SLC51A: variants seen among roughly 807,000 people sequenced by gnomAD.
The protein encoded by SLC51A is organic solute transporter subunit alpha.
Under a neutral mutation model 34.8 loss-of-function variants are expected in SLC51A, and 22 were observed. The observed-to-expected ratio is 0.63, with a 90% CI of 0.45 to 0.90. The LOEUF (loss-of-function observed/expected upper bound fraction) is 0.90, where lower values mean the gene tolerates loss of function less well. Ranked by LOEUF, SLC51A falls within the 40% of genes least tolerant of loss-of-function variation. SLC51A has a pLI of 0.00. For missense variants in SLC51A, 371 were observed against 414.8 expected, an observed-to-expected ratio of 0.89 and a Z score of 0.92; for synonymous variants, 181 against 176.3, an observed-to-expected ratio of 1.03 and a Z score of -0.21.
chr3:196,221,467 C>G (rs1237564210), intron 2 of SLC51A, among the ~76,000 whole-genome samples: 1 of 151,546 alleles, frequency 6.6e-6, no homozygotes, highest in Non-Finnish European at 1.5e-5. Flanking sequence ...AGTCTGACTT[C>G]GTTGCCCAGG....
At position 196,228,268 on chromosome 3, in the gene SLC51A, C is replaced by T; in HGVS notation, c.516C>T (p.Leu172=). The change falls in exon 5 of 9, where the codon CTC becomes CTT. Residue 172 remains leucine (L), a synonymous_variant. Coordinates refer to ENST00000296327, the MANE Select transcript of SLC51A (RefSeq NM_152672.6). This position sits in a 1 kb window ranked among gnomAD's most constrained non-coding sequence, Gnocchi z 4.9. ...CCCPCCPRLL[L]TRKKLQLLML... ...GCCCCTGCTGTCCACGGCTGCTGCT[C>T]ACCAGGTGAGGCGGGGCCAAGGTGC... 1.2e-6 allele frequency: 2 copies of T among 1,610,840 alleles called. No homozygotes were observed. The highest frequency in any genetic ancestry group is 1.7e-6 in the Non-Finnish European group (2 of 1,179,344).
At chr3:196,226,828 C>A in intron 2 of SLC51A, 137 bp from the exon 3 acceptor site, 2 of 580,954 alleles carry the variant, frequency 3.4e-6, no homozygotes, top group Non-Finnish European at 2.9e-6. Context: ...AGGTTGAATA[C>A]TCTAGGTCTA....
At chr3:196,230,597 G>A (rs574645621) in intron 7 of SLC51A, among the ~76,000 whole-genome samples, 12 of 148,552 alleles carry the variant, frequency 8.1e-5, no homozygotes, top group East Asian at 3.9e-4. Context: ...CAATTCTCTT[G>A]CCTCAGCCTC....
chr3:196,227,413 T>G (rs1239776161), intron 3 of SLC51A: 1 of 592,254 alleles, frequency 1.7e-6, no homozygotes, highest in Non-Finnish European at 3.0e-6. Flanking sequence ...CTTCAGTGGT[T>G]CCTCAGAGTG....
intron 7 of SLC51A, among the ~76,000 whole-genome samples, chr3:196,231,554 A>C (rs1274640482): frequency 6.6e-6 from 1 of 152,196 alleles, no homozygotes; most frequent in Non-Finnish European, 1.5e-5. Context: ...AGGAGGTAGA[A>C]TGAAAGGGGC....
chr3:196,225,658 T>C (rs991425837), intron 2 of SLC51A: 1 of 152,254 alleles, frequency 6.6e-6, no homozygotes, highest in Admixed American at 6.5e-5. Context: ...TCTTTAAAAC[T>C]AACGGCTGCA....
intron 3 of SLC51A, 65 bp from the exon 4 acceptor site, chr3:196,227,599 C>A (rs1479116008): frequency 3.4e-6 from 5 of 1,480,100 alleles, no homozygotes; most frequent in Non-Finnish European, 4.7e-6. Flanking sequence ...GTCCTTGCCG[C>A]AAAAGGCTTC....
intron 3 of SLC51A, chr3:196,227,433 GTC>G: frequency 1.7e-6 from 1 of 595,636 alleles, no homozygotes; most frequent in Admixed American, 3.0e-5. Flanking sequence ...GTGGGGGAAA[GTC>G]TCATTCCACA....
chr3:196,223,817 C>G, intron 2 of SLC51A: 1 of 392,144 alleles, frequency 2.6e-6, no homozygotes, highest in South Asian at 1.8e-5. Context: ...CAGAGACAGG[C>G]ACGGCAAATA....
At chr3:196,226,867 G>A (rs1423308738) in intron 2 of SLC51A, 98 bp from the exon 3 acceptor site, 11 of 1,218,242 alleles carry the variant, frequency 9.0e-6, no homozygotes, top group African/African-American at 1.5e-5. Context: ...GCACGGGTGG[G>A]AGCCTAGATC....
rs780657448 is a variant in SLC51A, at chr3:196,216,706, C to T, written c.-7C>T. 3.0e-5 allele frequency: 47 copies of T among 1,566,974 alleles called. No individual in the cohort carries two copies. The highest frequency in any genetic ancestry group is 7.4e-5 in the Admixed American group (4 of 54,056). ...GTGCCTGCGGGATTGCTGGAGAGAA[C>T]GCGGCGATGGAGCCGGGCAGGACCC... is the stretch of plus-strand genomic sequence containing the variant. On this transcript the variant is annotated 5_prime_UTR_variant, in exon 1 of 9. In the 5' UTR this introduces an upstream ATG that the reference lacks. Transcript: ENST00000296327. This position sits in a 1 kb window ranked among gnomAD's most constrained non-coding sequence, Gnocchi z 4.5.
At chr3:196,231,340 C>G (rs1724025239) in intron 7 of SLC51A, among the ~76,000 whole-genome samples, 1 of 152,170 alleles carries the variant, frequency 6.6e-6, no homozygotes, top group South Asian at 2.1e-4. Context: ...CTACGTGCTG[C>G]CTTCTCTAAC....
intron 7 of SLC51A, among the ~76,000 whole-genome samples, chr3:196,231,866 GC>G (rs1404708427): frequency 2.0e-5 from 3 of 151,952 alleles, no homozygotes; most frequent in African/African-American, 7.3e-5. Context: ...GATAAAATTT[GC>G]CATTAATGAT....
At chr3:196,218,037 C>G in intron 2 of SLC51A, 101 bp downstream of exon 2, 1 of 1,068,926 alleles carries the variant, frequency 9.4e-7, no homozygotes, top group Non-Finnish European at 1.4e-6. Flanking sequence ...CCTGGGCAGC[C>G]GGGGAGAATA....
At position 196,230,041 on chromosome 3, in the gene SLC51A, G is replaced by A; in HGVS notation, c.760G>A (p.Ala254Thr). 2 of 1,612,512 alleles carry A rather than the reference G, an allele frequency of 1.2e-6. No homozygotes were observed. The highest frequency in any genetic ancestry group is 1.7e-6 in the Non-Finnish European group (2 of 1,179,308). The change falls in exon 7 of 9, where the codon GCC (alanine) becomes ACC (threonine). Residue 254 changes from alanine (A) to threonine (T), a missense_variant. Physicochemically the swap from Ala to Thr is moderately conservative, Grantham distance 58. Transcript: ENST00000296327. ...ACACCTGGGTGAGCAGAACATGGGA[G>A]CCAAATTTGCTCTGTTCCAGGTAAC... The part of the protein sequence containing the change: ...RLHLGEQNMG[A>T]KFALFQVLLI...
chr3:196,220,257 GC>G (rs762792359), intron 2 of SLC51A, among the ~76,000 whole-genome samples: 2 of 152,220 alleles, frequency 1.3e-5, no homozygotes, highest in Non-Finnish European at 2.9e-5. Flanking sequence ...GTGCTTCTCG[GC>G]CATTCGTTAG....
rs1468352287 is a variant in SLC51A, at chr3:196,232,409, T to C, written c.781-10T>C. 1 of 1,610,896 alleles carries C rather than the reference T, an allele frequency of 6.2e-7. No individual in the cohort carries two copies. The highest frequency in any genetic ancestry group is 2.2e-5 in the East Asian group (1 of 44,876). The stretch of plus-strand genomic sequence containing the variant: ...CCAGTCCACCCTTGCCTCTCTTTTA[T>C]GTTCCGCAGGTTCTCCTCATCCTGA... On this transcript the variant is annotated splice_polypyrimidine_tract_variant and intron_variant, in intron 7 of 8. Coordinates refer to ENST00000296327, the MANE Select transcript of SLC51A (RefSeq NM_152672.6).
At chr3:196,227,811 G>C in intron 4 of SLC51A, 74 bp downstream of exon 4, 1 of 1,385,960 alleles carries the variant, frequency 7.2e-7, no homozygotes. Flanking sequence ...CCGTGTCCTT[G>C]ATCCCAGCTG....
chr3:196,232,836 A>G (rs1577349203), intron 8 of SLC51A: 2 of 592,284 alleles, frequency 3.4e-6, no homozygotes, highest in Admixed American at 6.1e-5. Context: ...GAACACACAT[A>G]AGAAATGGAC....
Sources: allele counts gnomAD v4.1 joint callset (sites outside exome capture counted in the v4.1 genomes callset), GRCh38; gene constraint gnomAD v4.1.1; non-coding constraint Gnocchi (gnomAD v3.1); transcripts MANE v1.5; gene names NCBI Gene and HGNC (gene_info 2026-07-23, HGNC 2026-07-21).